The following CRACR2A variants were observed in gnomAD, a reference collection of about 807,000 sequenced individuals.
The protein encoded by CRACR2A is EF-hand calcium-binding domain-containing protein 4B.
Under a neutral mutation model 90.5 loss-of-function variants are expected in CRACR2A, and 79 were observed. That is an observed-to-expected ratio of 0.87 (90% confidence interval 0.73 to 1.05). CRACR2A has a LOEUF of 1.05. Ranked by LOEUF, CRACR2A falls within the 50% of genes least tolerant of loss-of-function variation. The pLI, the probability that CRACR2A is intolerant of heterozygous loss-of-function variation, is 0.00. For synonymous variants in CRACR2A, 338 were observed against 356.7 expected, an observed-to-expected ratio of 0.95 and a Z score of 0.59; for missense variants, 823 against 897.2, an observed-to-expected ratio of 0.92 and a Z score of 1.06.
At chr12:3,636,236 G>A (rs1374971405) in intron 14 of CRACR2A, among the ~76,000 whole-genome samples, 1 of 152,218 alleles carries the variant, frequency 6.6e-6, no homozygotes, top group African/African-American at 2.4e-5. Context: ...GTTTCCAGAA[G>A]GGTTGTACCA....
At chr12:3,631,365 G>A (rs1944372703) in intron 15 of CRACR2A, among the ~76,000 whole-genome samples, 2 of 152,148 alleles carry the variant, frequency 1.3e-5, no homozygotes, top group Admixed American at 6.5e-5. Context: ...TTGTTGTCAG[G>A]AGAGGCAGGC....
intron 4 of CRACR2A, among the ~76,000 whole-genome samples, chr12:3,684,843 C>T (rs960531963): frequency 5.3e-5 from 8 of 152,178 alleles, no homozygotes; most frequent in Admixed American, 3.3e-4. Context: ...AGACAGACTG[C>T]GGGGAGCCAG....
chr12:3,619,158 G>T, intron 18 of CRACR2A, 113 bp downstream of exon 18: 1 of 764,106 alleles, frequency 1.3e-6, no homozygotes, highest in Non-Finnish European at 2.1e-6. Flanking sequence ...TTTTCCAGTT[G>T]CTTCCTTCCC....
At chr12:3,727,656 A>G (rs1946293679) in intron 2 of CRACR2A, 1 of 152,132 alleles carries the variant, frequency 6.6e-6, no homozygotes, top group African/African-American at 2.4e-5. Context: ...TAAAACAACC[A>G]TTTCCTAAAT....
At chr12:3,716,624 A>C (rs760371191) in intron 2 of CRACR2A, among the ~76,000 whole-genome samples, 56 of 152,224 alleles carry the variant, frequency 3.7e-4, no homozygotes, top group Non-Finnish European at 6.3e-4. Context: ...TTCATCTTCA[A>C]TACCATCTCA....
chr12:3,748,072 G>A (rs1946652012), intron 1 of CRACR2A, among the ~76,000 whole-genome samples: 1 of 152,116 alleles, frequency 6.6e-6, no homozygotes, highest in African/African-American at 2.4e-5. Flanking sequence ...AGGCTCAGGG[G>A]TACACTACGA....
intron 4 of CRACR2A, among the ~76,000 whole-genome samples, chr12:3,683,983 T>C (rs1370313409): frequency 6.6e-6 from 1 of 152,142 alleles, no homozygotes; most frequent in Non-Finnish European, 1.5e-5. Flanking sequence ...GCAGCAGTAC[T>C]GAGAGTTCAT....
intron 14 of CRACR2A, 54 bp downstream of exon 14, chr12:3,638,070 A>C: frequency 6.8e-7 from 1 of 1,470,010 alleles, no homozygotes; most frequent in Non-Finnish European, 9.1e-7. Context: ...CCTCAAATGC[A>C]AGAGACAGAT....
chr12:3,664,081 A>G (rs1945085844), intron 7 of CRACR2A, among the ~76,000 whole-genome samples: 1 of 152,242 alleles, frequency 6.6e-6, no homozygotes, highest in African/African-American at 2.4e-5. Flanking sequence ...TTAAATCTTC[A>G]ATCAGGATGT....
intron 3 of CRACR2A, among the ~76,000 whole-genome samples, chr12:3,710,581 T>C (rs1945992972): frequency 6.6e-6 from 1 of 152,054 alleles, no homozygotes; most frequent in East Asian, 1.9e-4. Flanking sequence ...GATCACAAGG[T>C]CAAGAGATGG....
chr12:3,646,046 A>G (rs767303693), intron 11 of CRACR2A, among the ~76,000 whole-genome samples: 47 of 152,314 alleles, frequency 3.1e-4, no homozygotes, highest in Non-Finnish European at 5.4e-4. Context: ...GTAACAGAGA[A>G]GAAGGCAGAG....
chr12:3,656,857 G>A (rs892281708), intron 8 of CRACR2A, among the ~76,000 whole-genome samples: 3 of 152,142 alleles, frequency 2.0e-5, no homozygotes, highest in Non-Finnish European at 4.4e-5. Context: ...CATTGGCATC[G>A]GATCCCTTAA....
intron 2 of CRACR2A, among the ~76,000 whole-genome samples, chr12:3,715,900 T>C (rs923330418): frequency 6.6e-6 from 1 of 152,102 alleles, no homozygotes; most frequent in Admixed American, 6.6e-5. Flanking sequence ...AGATTTAAGA[T>C]TAGAAAACAA....
At chr12:3,623,673 C>T (rs779131548) in intron 17 of CRACR2A, among the ~76,000 whole-genome samples, 7 of 152,102 alleles carry the variant, frequency 4.6e-5, no homozygotes, top group Admixed American at 1.3e-4. Flanking sequence ...CCGAGTTGGC[C>T]GAAAGACTGC....
In CRACR2A at chr12:3,659,630, T is replaced by G; in HGVS notation, c.696A>C (p.Glu232Asp). ...CCATCTCCTCATAGAGATGCTGGATTTCTTCATCATAAGCAGCAATTTTCC... is the reference window on the plus strand; with the variant it reads ...CCATCTCCTCATAGAGATGCTGGATGTCTTCATCATAAGCAGCAATTTTCC... The part of the protein sequence containing the change: ...LKRKIAAYDE[E>D]IQHLYEEMEQ... Residue 232 changes from glutamate (E) to aspartate (D), a missense_variant, in exon 8 of 20, where the codon GAA (glutamate) becomes GAC (aspartate). Transcript: ENST00000440314. 1 of 1,614,178 alleles carries G rather than the reference T, an allele frequency of 6.2e-7. No individual in the cohort carries two copies. The highest frequency in any genetic ancestry group is 1.7e-5 in the Admixed American group (1 of 60,024).
intron 10 of CRACR2A, among the ~76,000 whole-genome samples, chr12:3,652,423 C>T (rs968599416): frequency 6.6e-6 from 1 of 152,078 alleles, no homozygotes; most frequent in Non-Finnish European, 1.5e-5. Flanking sequence ...AATGGAGGGG[C>T]TTATTTTAAG....
intron 4 of CRACR2A, among the ~76,000 whole-genome samples, chr12:3,694,312 T>A (rs1267810670): frequency 6.6e-6 from 1 of 152,210 alleles, no homozygotes; most frequent in East Asian, 1.9e-4. Context: ...CTCCACTAGC[T>A]CCTCAGCCTC....
At position 3,711,644 on chromosome 12, in the gene CRACR2A, T is replaced by TCCC. The variant is rs1565498085; in HGVS notation, c.-37+1592_-37+1593insGGG. On this transcript the variant is annotated intron_variant, in intron 3 of 19. Transcript: ENST00000440314. The surrounding 1 kb of genome is among the most constrained non-coding windows in gnomAD (Gnocchi z 4.3). ...GAGGCCTTCTCTACAGCTCTTCTCT[T>TCCC]CTTCTGAGCCCTCACCAGAACCACC... 6.6e-6 allele frequency among the ~76,000 whole-genome samples: 1 copy of TCCC among 151,904 alleles called. No homozygotes were observed. The highest frequency in any genetic ancestry group is 2.4e-5 in the African/African-American group (1 of 41,310).
intron 8 of CRACR2A, among the ~76,000 whole-genome samples, chr12:3,658,718 T>C (rs1944964387): frequency 6.6e-6 from 1 of 152,146 alleles, no homozygotes; most frequent in East Asian, 1.9e-4. Flanking sequence ...CCGGGCTTAG[T>C]GCTGAGCGGC....
Sources: gnomAD v4.1 joint callset for allele counts (sites outside exome capture counted in the v4.1 genomes callset) on GRCh38, gnomAD v4.1.1 for gene constraint, Gnocchi (gnomAD v3.1) non-coding constraint, MANE v1.5 for transcripts, NCBI Gene and HGNC (gene_info 2026-07-23, HGNC 2026-07-21) for gene names.